PLCB1: variants seen among roughly 807,000 people sequenced by gnomAD.
PLCB1 encodes the protein phospholipase C beta 1.
A neutral mutation model predicts 161.8 loss-of-function variants in PLCB1; 46 were observed. That is an observed-to-expected ratio of 0.28 (90% CI 0.22 to 0.36). The LOEUF (loss-of-function observed/expected upper bound fraction) is 0.36. Among genes scored for constraint, PLCB1 ranks in the 10% least tolerant of loss-of-function variants. The pLI, the probability that PLCB1 is intolerant of heterozygous loss-of-function variation, is 1.00. For missense variants in PLCB1, 1,016 were observed against 1,472.5 expected, an observed-to-expected ratio of 0.69 and a Z score of 5.07; for synonymous variants, 517 against 503.7, an observed-to-expected ratio of 1.03 and a Z score of -0.35.
chr20:8,767,826 C>T (rs915854835), intron 26 of PLCB1, among the ~76,000 whole-genome samples: 2 of 152,150 alleles, frequency 1.3e-5, no homozygotes, highest in Non-Finnish European at 2.9e-5. Flanking sequence ...AAAAGTACAG[C>T]AAACTGGATG....
At chr20:8,600,945 C>T (rs562029693) in intron 3 of PLCB1, among the ~76,000 whole-genome samples, 16 of 152,174 alleles carry the variant, frequency 1.1e-4, no homozygotes, top group Non-Finnish European at 1.8e-4. Context: ...GGCAATGCCT[C>T]GCCCTGCTTC....
rs532108692 is a variant in PLCB1 at position 8,575,821 on chromosome 20, G to A, written c.247-52473G>A. Among the ~76,000 whole-genome samples the A allele has an allele frequency of 2.8e-4, 42 of 152,318 alleles. 2 individuals are homozygous for A. The South Asian group carries it at 7.3e-3, about 26-fold the overall frequency. On this transcript the variant is annotated intron_variant, in intron 3 of 31. Transcript: ENST00000338037. Reference sequence around the variant, plus strand: ...ATCCACTCTACCATCAGAGATTGTGGTCTATGCTACTTCTTTTGTCCCTTT... The same window carrying A: ...ATCCACTCTACCATCAGAGATTGTGATCTATGCTACTTCTTTTGTCCCTTT...
chr20:8,377,674 C>T (rs548016637), intron 3 of PLCB1, among the ~76,000 whole-genome samples: 7 of 152,040 alleles, frequency 4.6e-5, no homozygotes, highest in African/African-American at 1.7e-4. Context: ...GAAGTATGAG[C>T]AAAAGAAAAG....
At chr20:8,744,922 A>G (rs987183025) in intron 23 of PLCB1, among the ~76,000 whole-genome samples, 1 of 152,114 alleles carries the variant, frequency 6.6e-6, no homozygotes, top group Admixed American at 6.6e-5. Context: ...AAATGTACAA[A>G]AATACAGAAG....
At chr20:8,383,968 T>G (rs1336521372) in intron 3 of PLCB1, among the ~76,000 whole-genome samples, 2 of 152,146 alleles carry the variant, frequency 1.3e-5, no homozygotes, top group Non-Finnish European at 2.9e-5. Context: ...TTCCTACATT[T>G]TGACCTTGAA....
chr20:8,734,135 CAAAAAAAAAAAAA>C lies in PLCB1; in HGVS notation c.2043+756_2043+768del, dbSNP rs10624037. On this transcript the variant is annotated intron_variant, in intron 19 of 31. Coordinates refer to ENST00000338037, the MANE Select transcript of PLCB1 (RefSeq NM_015192.4). ...AGAGCGAGAGAGCGAGACTCTGTCT[CAAAAAAAAAAAAA>C]AAAAAAAAAAAAGTTTTCATAGGCC... 6.9e-5 allele frequency among the ~76,000 whole-genome samples: 4 copies of C among 57,928 alleles called. No homozygotes were observed. In the East Asian group the frequency reaches 2.2e-3, roughly 32 times the overall value. The allele number at this position is 57,928 out of a possible 152,430, so 38.0% of individuals were successfully genotyped here.
chr20:8,354,680 A>G (rs1986302594), intron 2 of PLCB1, among the ~76,000 whole-genome samples: 1 of 152,174 alleles, frequency 6.6e-6, no homozygotes, highest in African/African-American at 2.4e-5. Context: ...AGAGTTGGGG[A>G]AATCAGATGT....
chr20:8,539,769 TTTCCTTCCTTCC>T (rs562000616), intron 3 of PLCB1, among the ~76,000 whole-genome samples: 1 of 145,548 alleles, frequency 6.9e-6, no homozygotes, highest in Non-Finnish European at 1.5e-5. Flanking sequence ...TCCTTCCTTC[TTTCCTTCCTTCC>T]TTCCTTCCTT....
chr20:8,822,672 A>T (rs2146266395), intron 31 of PLCB1, among the ~76,000 whole-genome samples: 1 of 152,342 alleles, frequency 6.6e-6, no homozygotes, highest in South Asian at 2.1e-4. Flanking sequence ...TCCCTGGATT[A>T]GTTGGTTAAA....
intron 3 of PLCB1, among the ~76,000 whole-genome samples, chr20:8,475,045 ACACT>A (rs1230724446): frequency 1.3e-5 from 2 of 151,876 alleles, no homozygotes; most frequent in African/African-American, 2.4e-5. Flanking sequence ...ACACACACAC[ACACT>A]CTTTAGTATA....
intron 3 of PLCB1, among the ~76,000 whole-genome samples, chr20:8,545,495 C>T (rs1985503440): frequency 6.6e-6 from 1 of 152,074 alleles, no homozygotes; most frequent in African/African-American, 2.4e-5. Context: ...TGGGACAGAC[C>T]AGTGGTAGGA....
chr20:8,718,027 G>T (rs1218964282), intron 14 of PLCB1, among the ~76,000 whole-genome samples, 179 bp downstream of exon 14: 1 of 151,874 alleles, frequency 6.6e-6, no homozygotes, highest in Non-Finnish European at 1.5e-5. Context: ...CGTGTCTTTG[G>T]TGGCCAACAT....
At chr20:8,643,536 G>A (rs778912718) in intron 4 of PLCB1, among the ~76,000 whole-genome samples, 30 of 152,074 alleles carry the variant, frequency 2.0e-4, no homozygotes, top group African/African-American at 6.8e-4. Flanking sequence ...ACATGACAGC[G>A]TATTATCGGT....
At chr20:8,376,671 G>A (rs1330047756) in intron 3 of PLCB1, among the ~76,000 whole-genome samples, 9 of 152,214 alleles carry the variant, frequency 5.9e-5, no homozygotes, top group Non-Finnish European at 1.3e-4. Context: ...GCTCACGCCT[G>A]TAATCCCAGC....
intron 2 of PLCB1, among the ~76,000 whole-genome samples, chr20:8,246,810 C>G (rs906857398): frequency 6.6e-6 from 1 of 151,580 alleles, no homozygotes; most frequent in African/African-American, 2.4e-5. Context: ...TTTCTTTTCT[C>G]GGGGAATTTT....
At chr20:8,386,622 A>C (rs1940647550) in intron 3 of PLCB1, among the ~76,000 whole-genome samples, 1 of 152,234 alleles carries the variant, frequency 6.6e-6, no homozygotes, top group Non-Finnish European at 1.5e-5. Context: ...ACTTAAAGTT[A>C]CCAACTGCCT....
chr20:8,778,944 A>C (rs1319215086), intron 27 of PLCB1, among the ~76,000 whole-genome samples: 1 of 152,214 alleles, frequency 6.6e-6, no homozygotes, highest in Non-Finnish European at 1.5e-5. Context: ...TTTGACTGAA[A>C]GGCACCCAGA....
chr20:8,821,484 A>G (rs1600355165), intron 31 of PLCB1, among the ~76,000 whole-genome samples: 1 of 40,304 alleles, frequency 2.5e-5, no homozygotes, highest in Admixed American at 3.5e-4. Context: ...TCTCAAAAAA[A>G]AAAAAAAAAA....
chr20:8,283,830 A>G (rs1054791074), intron 2 of PLCB1, among the ~76,000 whole-genome samples: 7 of 152,068 alleles, frequency 4.6e-5, no homozygotes, highest in African/African-American at 1.7e-4. Flanking sequence ...TGTGAACAAC[A>G]TAGAATCTTT....
Sources: allele counts gnomAD v4.1 joint callset (sites outside exome capture counted in the v4.1 genomes callset), GRCh38; gene constraint gnomAD v4.1.1; transcripts MANE v1.5; gene names NCBI Gene and HGNC (gene_info 2026-07-23, HGNC 2026-07-21).